OLFM3: variants seen among roughly 807,000 people sequenced by gnomAD.
The protein encoded by OLFM3 is olfactomedin 3.
OLFM3 carries 20 observed loss-of-function variants against 48.6 expected under a neutral mutation model. That is an observed-to-expected ratio of 0.41 (90% CI 0.29 to 0.60). The LOEUF (loss-of-function observed/expected upper bound fraction) is 0.60. Among genes scored for constraint, OLFM3 ranks in the 20% least tolerant of loss-of-function variants. The pLI, the probability that OLFM3 is intolerant of heterozygous loss-of-function variation, is 0.28. For missense variants in OLFM3, 437 were observed against 544.3 expected (o/e 0.80, Z 1.96); for synonymous variants, 222 against 198.1 (o/e 1.12, Z -1.01).
At chr1:101,858,489 A>G (rs1656517513) in intron 1 of OLFM3, among the ~76,000 whole-genome samples, 1 of 152,046 alleles carries the variant, frequency 6.6e-6, no homozygotes, top group African/African-American at 2.4e-5. Flanking sequence ...AATGGGACCC[A>G]TAATGTGTAC....
At chr1:101,805,555 G>T (rs990371788) in intron 5 of OLFM3, among the ~76,000 whole-genome samples, 35 of 151,706 alleles carry the variant, frequency 2.3e-4, no homozygotes, top group African/African-American at 8.2e-4. Flanking sequence ...TATAGCACAG[G>T]CATTGTCAAC....
Position 101,996,784 on chromosome 1 carries a change from C to CA in OLFM3, c.32dup (p.Leu12AlafsTer16). 2 of 1,614,246 alleles carry CA rather than the reference C, an allele frequency of 1.2e-6. No individual in the cohort carries two copies. Among genetic ancestry groups the CA allele is most frequent in the Non-Finnish European group, 1.7e-6 (2 of 1,180,040 alleles). On this transcript the variant is annotated frameshift_variant, in exon 1 of 6. Transcript: ENST00000370103. LOFTEE classifies it high-confidence loss of function. ...CTAATCCGGCAAACAAAGACAGCAG[C>CA]AGGAGGTTGAGAAGGTTGGACGTCG...
intron 1 of OLFM3, among the ~76,000 whole-genome samples, chr1:101,883,603 A>G (rs1657623366): frequency 6.6e-6 from 1 of 151,868 alleles, no homozygotes; most frequent in Non-Finnish European, 1.5e-5. Flanking sequence ...CACCTTCCTA[A>G]AGCATGTTCT....
At chr1:101,829,451 G>A (rs1222560758) in intron 3 of OLFM3, among the ~76,000 whole-genome samples, 1 of 152,072 alleles carries the variant, frequency 6.6e-6, no homozygotes, top group East Asian at 1.9e-4. Context: ...GACCGTCTGG[G>A]TAAAACTTTA....
intron 1 of OLFM3, among the ~76,000 whole-genome samples, chr1:101,849,103 G>A (rs2100945942): frequency 6.6e-6 from 1 of 152,346 alleles, no homozygotes; most frequent in South Asian, 2.1e-4. Context: ...ATTCGGCGAT[G>A]TTTATGAACA....
intron 1 of OLFM3, among the ~76,000 whole-genome samples, chr1:101,905,675 T>C (rs933078033): frequency 2.6e-5 from 4 of 152,116 alleles, no homozygotes; most frequent in African/African-American, 7.2e-5. Context: ...GCTTTAAACA[T>C]TGTGAACACT....
chr1:101,968,840 T>A (rs889060520), intron 1 of OLFM3, among the ~76,000 whole-genome samples: 1 of 152,244 alleles, frequency 6.6e-6, no homozygotes, highest in Non-Finnish European at 1.5e-5. Flanking sequence ...TAAAGAATGA[T>A]GATTTTATTG....
chr1:101,823,999 G>C (rs1163575743), intron 4 of OLFM3, among the ~76,000 whole-genome samples: 1 of 149,958 alleles, frequency 6.7e-6, no homozygotes, highest in African/African-American at 2.4e-5. Flanking sequence ...ATCACTTGAA[G>C]CATATTTGTA....
At chr1:101,935,050 C>T (rs1659566896) in intron 1 of OLFM3, among the ~76,000 whole-genome samples, 1 of 151,660 alleles carries the variant, frequency 6.6e-6, no homozygotes, top group Non-Finnish European at 1.5e-5. Flanking sequence ...TAACATCACA[C>T]CTAGAGGAAC....
intron 1 of OLFM3, among the ~76,000 whole-genome samples, chr1:101,886,901 G>A (rs144673742): frequency 1.5e-3 from 221 of 151,854 alleles, no homozygotes; most frequent in African/African-American, 5.2e-3. Context: ...ACAGGCTCTG[G>A]GTATAATAAG....
chr1:101,980,932 T>C (rs1440836567), intron 1 of OLFM3, among the ~76,000 whole-genome samples: 2 of 152,238 alleles, frequency 1.3e-5, no homozygotes, highest in Non-Finnish European at 2.9e-5. Flanking sequence ...TAGTCCAGAC[T>C]GCAACAAGTG....
chr1:101,858,835 C>A (rs993098361), intron 1 of OLFM3, among the ~76,000 whole-genome samples: 1 of 152,108 alleles, frequency 6.6e-6, no homozygotes, highest in African/African-American at 2.4e-5. Flanking sequence ...AATTAAACCT[C>A]TTTTCTTTAT....
At chr1:101,968,918 A>C (rs1660699760) in intron 1 of OLFM3, among the ~76,000 whole-genome samples, 1 of 152,186 alleles carries the variant, frequency 6.6e-6, no homozygotes, top group African/African-American at 2.4e-5. Context: ...GGAAGTGCAG[A>C]GATTAAAAAT....
At chr1:101,886,998 A>G (rs11164321) in intron 1 of OLFM3, among the ~76,000 whole-genome samples, 2,315 of 152,160 alleles carry the variant, frequency 0.015, 60 homozygotes, top group African/African-American at 0.052. Flanking sequence ...GAATTAATGG[A>G]TATTTTAGTA....
At chr1:101,817,944 T>C (rs1040154017) in intron 4 of OLFM3, among the ~76,000 whole-genome samples, 2 of 152,070 alleles carry the variant, frequency 1.3e-5, no homozygotes, top group African/African-American at 2.4e-5. Context: ...AAGGTAGGGA[T>C]AAGAATGGAT....
intron 1 of OLFM3, among the ~76,000 whole-genome samples, chr1:101,975,098 AT>A (rs1269506081): frequency 6.6e-6 from 1 of 152,184 alleles, no homozygotes; most frequent in Non-Finnish European, 1.5e-5. Context: ...AAATCATATA[AT>A]TATCCCTGCT....
chr1:101,840,443 G>C (rs1655662070), intron 1 of OLFM3, among the ~76,000 whole-genome samples: 1 of 151,098 alleles, frequency 6.6e-6, no homozygotes. Flanking sequence ...GCAGACCTGG[G>C]ATTTGTACTG....
At chr1:101,814,569 C>T (rs1271184606) in intron 4 of OLFM3, among the ~76,000 whole-genome samples, 1 of 152,044 alleles carries the variant, frequency 6.6e-6, no homozygotes, top group East Asian at 1.9e-4. Context: ...GACATTTAGG[C>T]ATTTAGTTTA....
chr1:101,906,019 T>A (rs1658539295), intron 1 of OLFM3, among the ~76,000 whole-genome samples: 1 of 152,148 alleles, frequency 6.6e-6, no homozygotes, highest in South Asian at 2.1e-4. Context: ...TTCCCTTTTT[T>A]AAGAAAAGCT....
Sources: gnomAD v4.1 joint callset for allele counts (sites outside exome capture counted in the v4.1 genomes callset) on GRCh38, gnomAD v4.1.1 for gene constraint, MANE v1.5 for transcripts, NCBI Gene and HGNC (gene_info 2026-07-23, HGNC 2026-07-21) for gene names.